The following ARHGEF40 variants were observed in gnomAD, a reference collection of about 807,000 sequenced individuals.
The protein encoded by ARHGEF40 is Rho guanine nucleotide exchange factor (GEF) 40.
In ARHGEF40, 98 loss-of-function variants were observed where a neutral mutation model predicts 165.9. The ratio of observed to expected loss-of-function variants is 0.59; its 90% CI spans 0.50 to 0.70. The LOEUF (loss-of-function observed/expected upper bound fraction) is 0.70, where lower values mean the gene tolerates loss of function less well. ARHGEF40 is among the 30% of genes least tolerant of loss of function. The pLI is 0.00. For missense variants in ARHGEF40, 1,815 were observed against 1,968.0 expected, an observed-to-expected ratio of 0.92 and a Z score of 1.47; for synonymous variants, 792 against 814.3, an observed-to-expected ratio of 0.97 and a Z score of 0.47.
In ARHGEF40 at chr14:21,074,737, C is replaced by A; in HGVS notation, c.1007C>A (p.Pro336His). ...PEAAVLEVSE[P>H]PAEAVGEASG... ...GCAGCAGTCTTGGAGGTGTCTGAGC[C>A]CCCAGCAGAGGCTGTGGGAGAAGCC... The change falls in exon 3 of 24, where the codon CCC becomes CAC. Residue 336 changes from proline (P) to histidine (H), a missense_variant. Pro to His is a moderately conservative substitution (Grantham distance 77, BLOSUM62 -2). Transcript: ENST00000298694. The surrounding 1 kb of genome is among the most constrained non-coding windows in gnomAD (Gnocchi z 4.8). 1 of 1,606,474 alleles carries A rather than the reference C, an allele frequency of 6.2e-7. No individual in the cohort carries two copies. The highest frequency in any genetic ancestry group is 8.5e-7 in the Non-Finnish European group (1 of 1,177,282).
chr14:21,089,076 G>C lies in ARHGEF40; in HGVS notation c.*68G>C. On this transcript the variant is annotated 3_prime_UTR_variant, in exon 24 of 24. Transcript: ENST00000298694. Reference sequence around the variant, plus strand: ...CACACTTTGGGCTGGGATGGCAGTGGGGCATAATGGAGCCCTGGGCGATCG... The same window carrying C: ...CACACTTTGGGCTGGGATGGCAGTGCGGCATAATGGAGCCCTGGGCGATCG... The C allele has an allele frequency of 1.9e-6, 1 of 539,222 alleles. No homozygotes were observed. The highest frequency in any genetic ancestry group is 3.3e-6 in the Non-Finnish European group (1 of 306,168). 33.4% of individuals were successfully genotyped at this position (539,222 alleles called of 1,614,324 possible).
At chr14:21,079,114 G>C in intron 11 of ARHGEF40, 104 bp downstream of exon 11, 2 of 1,437,906 alleles carry the variant, frequency 1.4e-6, no homozygotes, top group Non-Finnish European at 1.9e-6. Context: ...AGCCTGGCTT[G>C]GTTGAACGCC....
In ARHGEF40 at chr14:21,072,010, A is replaced by G. The variant is rs921284325; in HGVS notation, c.4-1035A>G. Among the ~76,000 whole-genome samples, 1 of 152,244 alleles carries G rather than the reference A, an allele frequency of 6.6e-6. No individual in the cohort carries two copies. The highest frequency in any genetic ancestry group is 2.4e-5 in the African/African-American group (1 of 41,464). Reference sequence around the variant, plus strand: ...GGCAAGGTATGGGGGTAGGGAAGGTAGAGACCAAGGTAAAGGCTGCATTGA... The same window carrying G: ...GGCAAGGTATGGGGGTAGGGAAGGTGGAGACCAAGGTAAAGGCTGCATTGA... On this transcript the variant is annotated intron_variant, in intron 1 of 23. Transcript: ENST00000298694. This position sits in a 1 kb window ranked among gnomAD's most constrained non-coding sequence, Gnocchi z 4.1.
At chr14:21,087,244 G>A (rs1160060852) in intron 20 of ARHGEF40, 76 bp from the exon 21 acceptor site, 2 of 1,578,498 alleles carry the variant, frequency 1.3e-6, no homozygotes, top group East Asian at 2.3e-5. Flanking sequence ...CCCTCTGTGA[G>A]ACTGAGGGTC....
At chr14:21,065,664 T>A (rs1002401854), upstream of ARHGEF40, among the ~76,000 whole-genome samples, 2 of 152,196 alleles carry the variant, frequency 1.3e-5, no homozygotes, top group African/African-American at 4.8e-5. Context: ...CCTTTGAGAC[T>A]GTAACACTTT....
intron 16 of ARHGEF40, among the ~76,000 whole-genome samples, 161 bp downstream of exon 16, chr14:21,083,078 G>A (rs149060639): frequency 6.8e-4 from 103 of 152,308 alleles, no homozygotes; most frequent in South Asian, 2.3e-3. Flanking sequence ...CCGGACTGGT[G>A]AGGCCAGGTT....
At position 21,075,816 on chromosome 14, in the gene ARHGEF40, A is replaced by C; in HGVS notation, c.1739+51A>C. ...CTGGACACTAACCTCCTGATTCATG[A>C]GGACCCTCACCTCCTTCTTCTCAGG... On this transcript the variant is annotated intron_variant, in intron 5 of 23. Coordinates refer to ENST00000298694, the MANE Select transcript of ARHGEF40 (RefSeq NM_018071.5). The surrounding 1 kb of genome is among the most constrained non-coding windows in gnomAD (Gnocchi z 4.5). The C allele has an allele frequency of 6.3e-7, 1 of 1,588,060 alleles. No individual in the cohort carries two copies. Among genetic ancestry groups the C allele is most frequent in the Non-Finnish European group, 8.6e-7 (1 of 1,165,566 alleles).
rs759033118 is a variant in ARHGEF40, at chr14:21,085,734, T to C, written c.4006T>C (p.Cys1336Arg). 12 of 1,614,090 alleles carry C rather than the reference T, an allele frequency of 7.4e-6. No individual in the cohort carries two copies. The highest frequency in any genetic ancestry group is 9.3e-6 in the Non-Finnish European group (11 of 1,180,044). The change falls in exon 19 of 24, where the codon TGC (cysteine) becomes CGC (arginine). Residue 1336 changes from cysteine (C) to arginine (R), a missense_variant. Transcript: ENST00000298694. ...AGAAAACATCGGGGACAGCGGACTCTGCTTTGAGTTGTGGTTTCGGCGGCG... is the reference window on the plus strand; with the variant it reads ...AGAAAACATCGGGGACAGCGGACTCCGCTTTGAGTTGTGGTTTCGGCGGCG... The part of the protein sequence containing the change: ...LTENIGDSGL[C>R]FELWFRRRRA...
At position 21,073,098 on chromosome 14, in the gene ARHGEF40, A is replaced by C. The variant is rs749188522; in HGVS notation, c.57A>C (p.Pro19=). The change falls in exon 2 of 24, where the codon CCA becomes CCC. Residue 19 remains proline, a synonymous_variant. Transcript: ENST00000298694. The surrounding 1 kb of genome is among the most constrained non-coding windows in gnomAD (Gnocchi z 4.6). ...CVQSTLAALY[P]PFEATAPTLL... ...AGAGCACTCTCGCCGCCCTGTATCC[A>C]CCCTTTGAGGCAACAGCCCCCACCC... is the stretch of plus-strand genomic sequence containing the variant. 4 of 1,613,860 alleles carry C rather than the reference A, an allele frequency of 2.5e-6. No homozygotes were observed. The highest frequency in any genetic ancestry group is 3.4e-6 in the Non-Finnish European group (4 of 1,179,980).
At chr14:21,065,876 A>G (rs1886236442), upstream of ARHGEF40, among the ~76,000 whole-genome samples, 1 of 152,228 alleles carries the variant, frequency 6.6e-6, no homozygotes, top group Admixed American at 6.5e-5. Context: ...AGGTGGGCGG[A>G]TCACCTGAGG....
chr14:21,074,420 G>C lies in ARHGEF40; in HGVS notation c.690G>C (p.Gly230=). 6.2e-7 allele frequency: 1 copy of C among 1,609,618 alleles called. No individual in the cohort carries two copies. Among genetic ancestry groups the C allele is most frequent in the South Asian group, 1.1e-5 (1 of 90,650 alleles). ...EALGTRSPGD[G]HNAPVEGPEG... ...TGGGTACCCGGAGTCCTGGGGATGG[G>C]CACAATGCCCCTGTGGAAGGACCTG... The change falls in exon 3 of 24, where the codon GGG becomes GGC. Residue 230 remains glycine (G), a synonymous_variant. Coordinates refer to ENST00000298694, the MANE Select transcript of ARHGEF40 (RefSeq NM_018071.5). This position sits in a 1 kb window ranked among gnomAD's most constrained non-coding sequence, Gnocchi z 4.8.
Position 21,074,337 on chromosome 14 carries a change from C to T in ARHGEF40, c.607C>T (p.Pro203Ser). 2 of 1,614,200 alleles carry T rather than the reference C, an allele frequency of 1.2e-6. No homozygotes were observed. The highest frequency in any genetic ancestry group is 8.5e-7 in the Non-Finnish European group (1 of 1,180,032). Reference sequence around the variant, plus strand: ...TGGACATCAGCCAAGTACACTGCCCCCAGAACTGCCCTCTGGACCTCCAGG... The same window carrying T: ...TGGACATCAGCCAAGTACACTGCCCTCAGAACTGCCCTCTGGACCTCCAGG... Reference protein sequence around the residue: ...MVGHQPSTLPPELPSGPPGLP... With the variant: ...MVGHQPSTLPSELPSGPPGLP... The change falls in exon 3 of 24, where the codon CCA (proline) becomes TCA (serine). Residue 203 changes from proline to serine, a missense_variant. By Grantham distance (74) the Pro-to-Ser change is moderately conservative. Coordinates refer to ENST00000298694, the MANE Select transcript of ARHGEF40 (RefSeq NM_018071.5). This position sits in a 1 kb window ranked among gnomAD's most constrained non-coding sequence, Gnocchi z 4.8.
At position 21,075,647 on chromosome 14, in the gene ARHGEF40, G is replaced by A. The variant is rs764706347; in HGVS notation, c.1621G>A (p.Gly541Arg). 1.9e-6 allele frequency: 3 copies of A among 1,613,932 alleles called. No individual in the cohort carries two copies. Among genetic ancestry groups the A allele is most frequent in the African/African-American group, 2.7e-5 (2 of 74,894 alleles). The stretch of plus-strand genomic sequence containing the variant: ...GCCTGGCCATTTTGTGTCTTCAGGA[G>A]GGGTGGACCAGAGTGGGCGAGCTCT... ...MASGFLILTG[G>R]VDQSGRALLT... Residue 541 changes from glycine (G) to arginine (R), a missense_variant and splice_region_variant, in exon 5 of 24, where the codon GGG becomes AGG. Transcript: ENST00000298694. The surrounding 1 kb of genome is among the most constrained non-coding windows in gnomAD (Gnocchi z 4.5).
At chr14:21,086,189 G>A (rs983977378) in intron 19 of ARHGEF40, 3 of 286,780 alleles carry the variant, frequency 1.0e-5, no homozygotes, top group Non-Finnish European at 2.0e-5. Flanking sequence ...ACCAGCCTGG[G>A]CACATAGTGA....
chr14:21,061,386 G>A, the ARHGEF40 span, among the ~76,000 whole-genome samples: 1 of 152,204 alleles, frequency 6.6e-6, no homozygotes, highest in Non-Finnish European at 1.5e-5. Flanking sequence ...ACCTGGGTAG[G>A]AGTTTCTGAC....
rs111713440 is a variant in ARHGEF40 at position 21,087,846 on chromosome 14, G to A, written c.4388-122G>A. On this transcript the variant is annotated intron_variant, in intron 21 of 23. Transcript: ENST00000298694. ...TAGGGGGTTCCCTTGCAACTGGATC[G>A]CTATGGTGACTCACAGCTTCCTGTT... 3,175 of 1,372,274 alleles carry A rather than the reference G, an allele frequency of 2.3e-3. 6 individuals are homozygous for A. Among genetic ancestry groups the A allele is most frequent in the Non-Finnish European group, 2.9e-3 (2,801 of 981,194 alleles). 85.0% of individuals were successfully genotyped at this position (1,372,274 alleles called of 1,614,324 possible).
In ARHGEF40 at chr14:21,074,273, C is replaced by T. The variant is rs1358750363; in HGVS notation, c.543C>T (p.Leu181=). The T allele has an allele frequency of 1.2e-6, 2 of 1,614,032 alleles. No individual in the cohort carries two copies. Among genetic ancestry groups the T allele is most frequent in the Non-Finnish European group, 1.7e-6 (2 of 1,180,034 alleles). The change falls in exon 3 of 24, where the codon CTC becomes CTT. Residue 181 remains leucine (L), a synonymous_variant. Transcript: ENST00000298694. The surrounding 1 kb of genome is among the most constrained non-coding windows in gnomAD (Gnocchi z 4.8). ...TTCAGCGGCTGCCCTGGGCTGAGCTCATCTGTCCACGATTTGTGCACAAAG... is the reference window on the plus strand; with the variant it reads ...TTCAGCGGCTGCCCTGGGCTGAGCTTATCTGTCCACGATTTGTGCACAAAG... ...SGIQRLPWAE[L]ICPRFVHKEG...
rs116477306 is a variant in ARHGEF40 at position 21,073,843 on chromosome 14, T to A, written c.202-89T>A. Reference sequence around the variant, plus strand: ...TATAACCTTCCAGGCATAAGGCTGGTCCTGCCTAGGGTGGGCCCATTCTAA... The same window carrying A: ...TATAACCTTCCAGGCATAAGGCTGGACCTGCCTAGGGTGGGCCCATTCTAA... On this transcript the variant is annotated intron_variant, in intron 2 of 23. Coordinates refer to ENST00000298694, the MANE Select transcript of ARHGEF40 (RefSeq NM_018071.5). This position sits in a 1 kb window ranked among gnomAD's most constrained non-coding sequence, Gnocchi z 4.6. 3.9e-3 allele frequency: 5,572 copies of A among 1,445,218 alleles called. 189 individuals are homozygous for A. In the African/African-American group the frequency reaches 0.07, roughly 18 times the overall value. The allele number at this position is 1,445,218 out of a possible 1,614,324, so 89.5% of individuals were successfully genotyped here.
chr14:21,087,453 A>C lies in ARHGEF40; in HGVS notation c.4377A>C (p.Gln1459His), dbSNP rs1363069266. The change falls in exon 21 of 24, where the codon CAA (glutamine) becomes CAC (histidine). Residue 1459 changes from glutamine (Q) to histidine (H), a missense_variant. By Grantham distance (24) the Gln-to-His change is conservative (BLOSUM62 0). Coordinates refer to ENST00000298694, the MANE Select transcript of ARHGEF40 (RefSeq NM_018071.5). ...EEEAWDLDVK[Q>H]ISLAPETLDS... ...AGGCCTGGGATCTGGACGTCAAGCA[A>C]ATTTCCCTGGGTGAGGCACCTCTCA... The C allele has an allele frequency of 5.0e-6, 8 of 1,600,468 alleles. No individual in the cohort carries two copies. The highest frequency in any genetic ancestry group is 1.1e-5 in the South Asian group (1 of 91,072).
Sources: allele counts gnomAD v4.1 joint callset (sites outside exome capture counted in the v4.1 genomes callset), GRCh38; gene constraint gnomAD v4.1.1; non-coding constraint Gnocchi (gnomAD v3.1); transcripts MANE v1.5; gene names NCBI Gene and HGNC (gene_info 2026-07-23, HGNC 2026-07-21).